The following GABBR2 variants were observed in gnomAD, a reference collection of about 807,000 sequenced individuals.
The protein encoded by GABBR2 is G-protein coupled receptor 51.
Under a neutral mutation model 105.6 loss-of-function variants are expected in GABBR2, and 23 were observed. That is an observed-to-expected ratio of 0.22 (90% CI 0.16 to 0.31). The LOEUF (loss-of-function observed/expected upper bound fraction) is 0.31. Ranked by LOEUF, GABBR2 falls within the 10% of genes least tolerant of loss-of-function variation. The probability of loss-of-function intolerance (pLI) is 1.00; values close to 1 mark genes in which losing one functional copy is unlikely to be tolerated. For synonymous variants in GABBR2, 478 were observed against 499.7 expected, an observed-to-expected ratio of 0.96 and a Z score of 0.58; for missense variants, 734 against 1,245.5, an observed-to-expected ratio of 0.59 and a Z score of 6.18.
intron 1 of GABBR2, among the ~76,000 whole-genome samples, chr9:98,600,796 C>T (rs1829319041): frequency 6.6e-6 from 1 of 152,230 alleles, no homozygotes; most frequent in Non-Finnish European, 1.5e-5. Context: ...GGAACCGTGC[C>T]AGCCTCTGCA....
chr9:98,606,130 T>C (rs1423935634), intron 1 of GABBR2, among the ~76,000 whole-genome samples: 1 of 152,234 alleles, frequency 6.6e-6, no homozygotes, highest in Non-Finnish European at 1.5e-5. Flanking sequence ...TGCATAGTAT[T>C]CCATGGTGTA....
intron 13 of GABBR2, among the ~76,000 whole-genome samples, chr9:98,318,959 G>A (rs1011278380): frequency 1.3e-5 from 2 of 151,796 alleles, no homozygotes; most frequent in African/African-American, 4.8e-5. Flanking sequence ...TAGGGGGTGT[G>A]TTTGGCCTTC....
intron 2 of GABBR2, among the ~76,000 whole-genome samples, chr9:98,549,587 G>A (rs1006361620): frequency 6.6e-6 from 1 of 152,174 alleles, no homozygotes; most frequent in Non-Finnish European, 1.5e-5. Flanking sequence ...TAATGTGGTG[G>A]TGCTGCCATG....
chr9:98,563,619 A>C (rs540043503), intron 2 of GABBR2, among the ~76,000 whole-genome samples: 1 of 152,346 alleles, frequency 6.6e-6, no homozygotes, highest in Non-Finnish European at 1.5e-5. Context: ...TTGCAAAGCC[A>C]ACATGTCATG....
chr9:98,629,316 G>A (rs1445136183), intron 1 of GABBR2, among the ~76,000 whole-genome samples: 1 of 152,204 alleles, frequency 6.6e-6, no homozygotes, highest in Non-Finnish European at 1.5e-5. Flanking sequence ...AATACCACAA[G>A]TGATCATATG....
At chr9:98,343,830 C>A (rs942178491) in intron 13 of GABBR2, among the ~76,000 whole-genome samples, 2 of 151,734 alleles carry the variant, frequency 1.3e-5, no homozygotes, top group Admixed American at 1.3e-4. Flanking sequence ...TGCACTCCAG[C>A]CTGGGTGACA....
Position 98,306,608 on chromosome 9 carries a change from G to C in GABBR2, c.2005-263C>G. On this transcript the variant is annotated intron_variant, in intron 14 of 18. Coordinates refer to ENST00000259455, the MANE Select transcript of GABBR2 (RefSeq NM_005458.8). This position sits in a 1 kb window ranked among gnomAD's most constrained non-coding sequence, Gnocchi z 5.4. ...CACCCCTATGACTGGTTCATGCACA[G>C]ACCTGCCCAAGGCTACAGTGGAAGG... 7.7e-6 allele frequency: 4 copies of C among 518,970 alleles called. No homozygotes were observed. The South Asian group carries it at 8.3e-5, about 11-fold the overall frequency. 32.1% of individuals were successfully genotyped at this position (518,970 alleles called of 1,614,324 possible).
At chr9:98,418,505 A>G (rs1444505259) in intron 7 of GABBR2, among the ~76,000 whole-genome samples, 2 of 152,108 alleles carry the variant, frequency 1.3e-5, no homozygotes, top group Non-Finnish European at 2.9e-5. Flanking sequence ...AGTGTACTCC[A>G]GCCTGGGTGA....
At chr9:98,433,716 T>C (rs190996574) in intron 7 of GABBR2, among the ~76,000 whole-genome samples, 1 of 152,274 alleles carries the variant, frequency 6.6e-6, no homozygotes, top group Non-Finnish European at 1.5e-5. Context: ...GCCTGATTCA[T>C]TTCTGTCTGA....
chr9:98,621,019 A>G (rs757976398), intron 1 of GABBR2, among the ~76,000 whole-genome samples: 3 of 152,192 alleles, frequency 2.0e-5, no homozygotes, highest in Non-Finnish European at 4.4e-5. Flanking sequence ...AAAAAAAGCT[A>G]TTATTGTTAT....
At chr9:98,323,228 T>C (rs1019949889) in intron 13 of GABBR2, among the ~76,000 whole-genome samples, 1 of 152,198 alleles carries the variant, frequency 6.6e-6, no homozygotes, top group Non-Finnish European at 1.5e-5. Context: ...GTGGCGGGAC[T>C]GGGTAGAAGG....
At chr9:98,470,100 G>A (rs2779532) in intron 6 of GABBR2, among the ~76,000 whole-genome samples, 114,300 of 152,096 alleles carry the variant, frequency 0.75, 43,859 homozygotes, top group East Asian at 0.9. Context: ...GTTCAACAAA[G>A]GCAAGTGCAA....
At chr9:98,340,359 G>A (rs926338562) in intron 13 of GABBR2, among the ~76,000 whole-genome samples, 1 of 152,070 alleles carries the variant, frequency 6.6e-6, no homozygotes, top group African/African-American at 2.4e-5. Context: ...CAAGTGTTTG[G>A]AGGCAAATGT....
chr9:98,409,395 T>G, intron 7 of GABBR2, among the ~76,000 whole-genome samples: 1 of 152,118 alleles, frequency 6.6e-6, no homozygotes, highest in East Asian at 1.9e-4. Context: ...AATCCAGGTG[T>G]GAGAAGATGG....
chr9:98,397,898 C>G (rs1401132596), intron 8 of GABBR2, among the ~76,000 whole-genome samples: 1 of 152,160 alleles, frequency 6.6e-6, no homozygotes, highest in African/African-American at 2.4e-5. Flanking sequence ...AGGTCTCATC[C>G]CCTGCACTCT....
At chr9:98,369,243 C>A (rs1228366434) in intron 12 of GABBR2, among the ~76,000 whole-genome samples, 1 of 152,198 alleles carries the variant, frequency 6.6e-6, no homozygotes, top group African/African-American at 2.4e-5. Flanking sequence ...GACAGGGTGG[C>A]AGAGCAGGGC....
At chr9:98,365,749 G>A (rs7871107) in intron 12 of GABBR2, among the ~76,000 whole-genome samples, 3,905 of 152,136 alleles carry the variant, frequency 0.026, 165 homozygotes, top group African/African-American at 0.089. Context: ...AAGTACACCC[G>A]TGGGAATACA....
At chr9:98,647,607 G>A (rs1451666905) in intron 1 of GABBR2, among the ~76,000 whole-genome samples, 2 of 152,224 alleles carry the variant, frequency 1.3e-5, no homozygotes, top group Non-Finnish European at 2.9e-5. Context: ...GACGGGTTGT[G>A]CCCTATCCCC....
chr9:98,625,444 G>T (rs1201065481), intron 1 of GABBR2, among the ~76,000 whole-genome samples: 2 of 152,240 alleles, frequency 1.3e-5, no homozygotes, highest in East Asian at 3.9e-4. Flanking sequence ...AGCTGTGTCA[G>T]GAGACCTTGG....
Sources: allele counts gnomAD v4.1 joint callset (sites outside exome capture counted in the v4.1 genomes callset), GRCh38; gene constraint gnomAD v4.1.1; non-coding constraint Gnocchi (gnomAD v3.1); transcripts MANE v1.5; gene names NCBI Gene and HGNC (gene_info 2026-07-23, HGNC 2026-07-21).